Variants in POU6F2 observed in about 807,000 individuals in gnomAD.
POU6F2 encodes the protein POU domain, class 6, transcription factor 2.
POU6F2 carries 31 observed loss-of-function variants against 71.3 expected under a neutral mutation model. The observed-to-expected ratio is 0.43, with a 90% CI of 0.33 to 0.59. The LOEUF is 0.59. POU6F2 is among the 20% of genes least tolerant of loss of function. The pLI is 0.04. For missense variants in POU6F2, 783 were observed against 856.8 expected, an observed-to-expected ratio of 0.91 and a Z score of 1.07; for synonymous variants, 347 against 355.7, an observed-to-expected ratio of 0.98 and a Z score of 0.27.
chr7:39,000,530 GAC>G (rs5883670), intron 1 of POU6F2, among the ~76,000 whole-genome samples: 49,685 of 140,842 alleles, frequency 0.35, 8,501 homozygotes, highest in South Asian at 0.48. Context: ...CATACCCACA[GAC>G]ACACACACAC....
intron 4 of POU6F2, among the ~76,000 whole-genome samples, chr7:39,266,230 C>T (rs1784237411): frequency 6.6e-6 from 1 of 152,088 alleles, no homozygotes; most frequent in South Asian, 2.1e-4. Context: ...TAAAAAGTGT[C>T]CAAAAAAGAT....
intron 2 of POU6F2, among the ~76,000 whole-genome samples, chr7:39,136,134 G>A (rs982943383): frequency 2.0e-5 from 3 of 152,070 alleles, no homozygotes; most frequent in Non-Finnish European, 4.4e-5. Context: ...TTGCATGGGA[G>A]TACTGTAAAA....
chr7:39,282,292 G>A (rs189415067), intron 4 of POU6F2, among the ~76,000 whole-genome samples: 109 of 152,076 alleles, frequency 7.2e-4, no homozygotes, highest in African/African-American at 2.5e-3. Context: ...TCTTTAGGTT[G>A]GTATAGTCCT....
chr7:39,419,031 A>G (rs1003427619), intron 6 of POU6F2, among the ~76,000 whole-genome samples: 6 of 146,736 alleles, frequency 4.1e-5, no homozygotes, highest in South Asian at 2.1e-4. Flanking sequence ...ATATGTGTGT[A>G]TATATACATA....
intron 2 of POU6F2, among the ~76,000 whole-genome samples, chr7:39,165,679 C>T (rs1297634976): frequency 6.6e-6 from 1 of 152,016 alleles, no homozygotes; most frequent in Admixed American, 6.5e-5. Flanking sequence ...TTTCCAAGAT[C>T]AAGATGCTTA....
intron 5 of POU6F2, 135 bp from the exon 6 acceptor site, chr7:39,406,465 G>A: frequency 1.0e-6 from 1 of 977,612 alleles, no homozygotes. Flanking sequence ...TGTTCGCCAC[G>A]CCCCTCCGGT....
At chr7:39,349,290 T>G (rs1786092862) in intron 5 of POU6F2, among the ~76,000 whole-genome samples, 1 of 152,190 alleles carries the variant, frequency 6.6e-6, no homozygotes, top group African/African-American at 2.4e-5. Context: ...CTTGGAGACC[T>G]TCTCTTCCAG....
At chr7:39,234,867 G>A (rs1004746446) in intron 4 of POU6F2, among the ~76,000 whole-genome samples, 1 of 152,146 alleles carries the variant, frequency 6.6e-6, no homozygotes, top group African/African-American at 2.4e-5. Context: ...TCCAGATAGG[G>A]CATCAAAATA....
intron 5 of POU6F2, among the ~76,000 whole-genome samples, chr7:39,399,158 G>A (rs148969005): frequency 5.2e-4 from 79 of 151,856 alleles, no homozygotes; most frequent in African/African-American, 1.9e-3. Context: ...CCAGATTGCC[G>A]CCCCCTCCAG....
intron 4 of POU6F2, among the ~76,000 whole-genome samples, chr7:39,301,181 T>C (rs2128764659): frequency 6.6e-6 from 1 of 152,314 alleles, no homozygotes; most frequent in African/African-American, 2.4e-5. Flanking sequence ...AAGCTAGAAT[T>C]GATGCATTTC....
intron 4 of POU6F2, among the ~76,000 whole-genome samples, chr7:39,213,170 C>T (rs1421571588): frequency 1.3e-5 from 2 of 152,168 alleles, no homozygotes; most frequent in Admixed American, 6.5e-5. Flanking sequence ...ACCAAAAATA[C>T]ATTAAAGAGT....
chr7:39,358,656 G>A (rs757009503), intron 5 of POU6F2, among the ~76,000 whole-genome samples: 1 of 152,146 alleles, frequency 6.6e-6, no homozygotes, highest in African/African-American at 2.4e-5. Flanking sequence ...AATGGTTAAT[G>A]GGTTGAGCTA....
At chr7:39,184,075 T>C (rs1218015022) in intron 2 of POU6F2, among the ~76,000 whole-genome samples, 1 of 152,278 alleles carries the variant, frequency 6.6e-6, no homozygotes, top group East Asian at 1.9e-4. Flanking sequence ...CCCAGTTCTG[T>C]TTTGATAGAT....
intron 4 of POU6F2, among the ~76,000 whole-genome samples, chr7:39,237,103 T>G (rs1463565078): frequency 1.3e-5 from 2 of 152,178 alleles, no homozygotes; most frequent in African/African-American, 2.4e-5. Flanking sequence ...TCCTTTTGCC[T>G]TGAGGGAAAA....
chr7:39,140,193 AT>A (rs1792466545), intron 2 of POU6F2, among the ~76,000 whole-genome samples: 1 of 152,192 alleles, frequency 6.6e-6, no homozygotes, highest in Non-Finnish European at 1.5e-5. Flanking sequence ...ACTTTTACAA[AT>A]CTAAGCACAG....
intron 4 of POU6F2, among the ~76,000 whole-genome samples, chr7:39,241,317 A>G (rs1024962057): frequency 1.1e-4 from 16 of 152,200 alleles, no homozygotes; most frequent in Admixed American, 3.3e-4. Context: ...TTTAATAAAT[A>G]GCTGTTCAAT....
chr7:39,133,274 C>G (rs530830720), intron 2 of POU6F2, among the ~76,000 whole-genome samples: 1 of 152,170 alleles, frequency 6.6e-6, no homozygotes, highest in Non-Finnish European at 1.5e-5. Flanking sequence ...GTGACTAATA[C>G]GAGAATGTCC....
At chr7:39,158,309 G>T (rs1019018074) in intron 2 of POU6F2, among the ~76,000 whole-genome samples, 3 of 152,098 alleles carry the variant, frequency 2.0e-5, no homozygotes, top group Non-Finnish European at 4.4e-5. Flanking sequence ...GTGTTGAATC[G>T]CAGTCCTCAA....
chr7:39,369,602 G>A (rs1277109463), intron 5 of POU6F2, among the ~76,000 whole-genome samples: 6 of 152,022 alleles, frequency 3.9e-5, no homozygotes, highest in Non-Finnish European at 8.8e-5. Flanking sequence ...GACCTCAGGG[G>A]ATCTGCCCTC....
Sources: gnomAD v4.1 joint callset for allele counts (sites outside exome capture counted in the v4.1 genomes callset) on GRCh38, gnomAD v4.1.1 for gene constraint, MANE v1.5 for transcripts, NCBI Gene and HGNC (gene_info 2026-07-23, HGNC 2026-07-21) for gene names.